The following CNTN4 variants were observed in gnomAD, a reference collection of about 807,000 sequenced individuals.
The protein encoded by CNTN4 is contactin 4.
CNTN4 carries 77 observed loss-of-function variants against 122.5 expected under a neutral mutation model. The observed-to-expected ratio is 0.63, with a 90% CI of 0.52 to 0.76. The LOEUF is 0.76. CNTN4 is among the 30% of genes least tolerant of loss of function. The probability of loss-of-function intolerance (pLI) is 0.00; values close to 1 mark genes in which losing one functional copy is unlikely to be tolerated. For synonymous variants in CNTN4, 512 were observed against 447.0 expected (o/e 1.15, Z -1.83); for missense variants, 1,256 against 1,259.1 (o/e 1.00, Z 0.04).
At chr3:2,839,168 T>G (rs541711444) in intron 7 of CNTN4, among the ~76,000 whole-genome samples, 4 of 152,348 alleles carry the variant, frequency 2.6e-5, no homozygotes, top group African/African-American at 9.6e-5. Flanking sequence ...GCCAATTATT[T>G]TGAAAACGTT....
chr3:2,293,395 T>C (rs2042200362), intron 2 of CNTN4, among the ~76,000 whole-genome samples: 1 of 152,206 alleles, frequency 6.6e-6, no homozygotes, highest in Admixed American at 6.5e-5. Flanking sequence ...CAATATATTG[T>C]TTTTTCATCA....
At chr3:2,866,727 G>T (rs2150831952) in intron 7 of CNTN4, 25 bp from the exon 8 acceptor site, 1 of 1,596,932 alleles carries the variant, frequency 6.3e-7, no homozygotes, top group Non-Finnish European at 8.6e-7. Context: ...AGACATATTT[G>T]TAATGAAGAT....
chr3:2,637,239 G>A lies in CNTN4; in HGVS notation c.55+65681G>A, dbSNP rs186932227. Among the ~76,000 whole-genome samples the A allele has an allele frequency of 2.5e-3, 377 of 152,064 alleles. 1 individual carries two copies. The highest frequency in any genetic ancestry group is 8.6e-3 in the African/African-American group (357 of 41,456). Reference sequence around the variant, plus strand: ...TTACAGTCCTGAGCCACCGTACCTGGCCTCCATTTTCTTTACATACACAAG... The same window carrying A: ...TTACAGTCCTGAGCCACCGTACCTGACCTCCATTTTCTTTACATACACAAG... On this transcript the variant is annotated intron_variant, in intron 4 of 24. Transcript: ENST00000418658.
At chr3:2,581,078 G>T (rs2616583) in intron 4 of CNTN4, among the ~76,000 whole-genome samples, 2 of 151,958 alleles carry the variant, frequency 1.3e-5, no homozygotes, top group Non-Finnish European at 2.9e-5. Context: ...CAGCATCATT[G>T]TCATCTGGCA....
chr3:2,652,993 C>G (rs2083433690), intron 4 of CNTN4, among the ~76,000 whole-genome samples: 1 of 151,944 alleles, frequency 6.6e-6, no homozygotes, highest in South Asian at 2.1e-4. Flanking sequence ...TTGTTCAGAG[C>G]CATTTCATGG....
chr3:2,328,467 A>G (rs1350753079), intron 2 of CNTN4, among the ~76,000 whole-genome samples: 1 of 152,226 alleles, frequency 6.6e-6, no homozygotes, highest in Non-Finnish European at 1.5e-5. Context: ...TTTCTGAATA[A>G]TCTCGCATCA....
chr3:2,813,607 G>T (rs971602820), intron 6 of CNTN4, among the ~76,000 whole-genome samples: 1 of 151,964 alleles, frequency 6.6e-6, no homozygotes, highest in Non-Finnish European at 1.5e-5. Context: ...CCCACCCTGT[G>T]AATAGCTTCA....
intron 2 of CNTN4, among the ~76,000 whole-genome samples, chr3:2,248,775 C>T (rs2040252463): frequency 6.6e-6 from 1 of 151,958 alleles, no homozygotes; most frequent in African/African-American, 2.4e-5. Flanking sequence ...AGCGACAGAA[C>T]AAACATGCAT....
chr3:2,661,704 C>T (rs2083902695), intron 4 of CNTN4, among the ~76,000 whole-genome samples: 1 of 148,856 alleles, frequency 6.7e-6, no homozygotes. Flanking sequence ...CCCAGCTGCT[C>T]AGGAGGCTGA....
intron 2 of CNTN4, among the ~76,000 whole-genome samples, chr3:2,338,493 A>G (rs2044049197): frequency 6.6e-6 from 1 of 152,012 alleles, no homozygotes; most frequent in Non-Finnish European, 1.5e-5. Flanking sequence ...TAAGACAGTT[A>G]TTTTACAAAG....
chr3:2,367,600 C>G (rs1180106104), intron 3 of CNTN4, among the ~76,000 whole-genome samples: 1 of 152,290 alleles, frequency 6.6e-6, no homozygotes, highest in South Asian at 2.1e-4. Flanking sequence ...TCTCAGCTCA[C>G]TGCAACCTCC....
At chr3:2,985,971 G>C (rs1478599803) in intron 13 of CNTN4, among the ~76,000 whole-genome samples, 1 of 143,442 alleles carries the variant, frequency 7.0e-6, no homozygotes, top group African/African-American at 2.6e-5. Flanking sequence ...CTGGAGTGTA[G>C]TGGTGCCATC....
intron 12 of CNTN4, among the ~76,000 whole-genome samples, chr3:2,916,300 T>C (rs903978662): frequency 6.6e-6 from 1 of 151,556 alleles, no homozygotes; most frequent in African/African-American, 2.4e-5. Context: ...GGTCAGCAGA[T>C]AAACAAGTGA....
intron 4 of CNTN4, among the ~76,000 whole-genome samples, chr3:2,680,074 T>G (rs2150476731): frequency 6.6e-6 from 1 of 152,336 alleles, no homozygotes; most frequent in East Asian, 1.9e-4. Flanking sequence ...ATTATTAGGT[T>G]CTGGGAGTAA....
Position 2,753,419 on chromosome 3 carries a change from A to G in CNTN4, c.358+7722A>G, listed in dbSNP as rs555078202. On this transcript the variant is annotated intron_variant, in intron 6 of 24. Transcript: ENST00000418658. The stretch of plus-strand genomic sequence containing the variant: ...CTCTATGTTGGATATTATACTAAGC[A>G]CTTTGGAAGCATTATTCCATTTAGT... Among the ~76,000 whole-genome samples, 7 of 152,360 alleles carry G rather than the reference A, an allele frequency of 4.6e-5. No homozygotes were observed. The East Asian group carries it at 1.4e-3, about 29-fold the overall frequency.
intron 4 of CNTN4, among the ~76,000 whole-genome samples, chr3:2,668,771 A>G (rs1160677994): frequency 4.6e-5 from 7 of 152,212 alleles, no homozygotes; most frequent in African/African-American, 1.7e-4. Context: ...CATCCCATCA[A>G]TACCTAATTT....
intron 14 of CNTN4, among the ~76,000 whole-genome samples, chr3:2,999,679 C>A (rs1695854584): frequency 6.6e-6 from 1 of 152,048 alleles, no homozygotes; most frequent in Non-Finnish European, 1.5e-5. Context: ...AGAAGACAAA[C>A]TCCCCACACG....
At chr3:2,481,503 AATC>A (rs1233156651) in intron 3 of CNTN4, among the ~76,000 whole-genome samples, 17 of 152,262 alleles carry the variant, frequency 1.1e-4, no homozygotes, top group African/African-American at 3.9e-4. Context: ...GACAAAAACA[AATC>A]AAAAAAAGAA....
At chr3:2,196,434 G>T (rs1488455641) in intron 2 of CNTN4, among the ~76,000 whole-genome samples, 1 of 152,136 alleles carries the variant, frequency 6.6e-6, no homozygotes, top group Non-Finnish European at 1.5e-5. Flanking sequence ...TGGTTCAATA[G>T]ACTCTTTGTG....
Sources: gnomAD v4.1 joint callset for allele counts (sites outside exome capture counted in the v4.1 genomes callset) on GRCh38, gnomAD v4.1.1 for gene constraint, MANE v1.5 for transcripts, NCBI Gene and HGNC (gene_info 2026-07-23, HGNC 2026-07-21) for gene names.